PACC1: variants seen among roughly 807,000 people sequenced by gnomAD.
PACC1 encodes the protein proton activated chloride channel 1, also known as proton-activated chloride channel.
A neutral mutation model predicts 39.7 loss-of-function variants in PACC1; 34 were observed. That is an observed-to-expected ratio of 0.86 (90% CI 0.65 to 1.14). The LOEUF (loss-of-function observed/expected upper bound fraction) is 1.14. Ranked by LOEUF, PACC1 falls within the 50% of genes most tolerant of loss-of-function variation. The pLI is 0.00. For synonymous variants in PACC1, 127 were observed against 160.6 expected (o/e 0.79, Z 1.58); for missense variants, 379 against 436.4 (o/e 0.87, Z 1.17).
chr1:212,375,079 G>C, intron 7 of PACC1, 114 bp downstream of exon 7: 1 of 780,958 alleles, frequency 1.3e-6, no homozygotes, highest in Non-Finnish European at 2.1e-6. Flanking sequence ...CAGTCTACAA[G>C]AATGAGCCAA....
At chr1:212,394,692 G>A (rs1162833862) in intron 2 of PACC1, among the ~76,000 whole-genome samples, 4 of 152,108 alleles carry the variant, frequency 2.6e-5, no homozygotes, top group Non-Finnish European at 4.4e-5. Flanking sequence ...AAACCCCATC[G>A]TCTCAGCCCA....
At chr1:212,380,151 A>G in intron 4 of PACC1, 114 bp from the exon 5 acceptor site, 1 of 1,129,474 alleles carries the variant, frequency 8.9e-7, no homozygotes, top group Middle Eastern at 3.0e-4. Flanking sequence ...AGTGGTCTCC[A>G]AAGGGACCAC....
intron 1 of PACC1, chr1:212,413,961 C>T (rs1355840920): frequency 3.3e-6 from 5 of 1,535,668 alleles, no homozygotes; most frequent in East Asian, 4.9e-5. Flanking sequence ...AGGACGGTTG[C>T]CAAAGATGAC....
chr1:212,373,693 C>T (rs11588867), intron 7 of PACC1, among the ~76,000 whole-genome samples: 25,217 of 152,062 alleles, frequency 0.17, 2,532 homozygotes, highest in Middle Eastern at 0.3. Context: ...GGCAAGAGAT[C>T]TGAATAGAGA....
intron 2 of PACC1, among the ~76,000 whole-genome samples, chr1:212,404,012 C>T (rs757443311): frequency 2.0e-5 from 3 of 152,172 alleles, no homozygotes; most frequent in Non-Finnish European, 2.9e-5. Flanking sequence ...CAGCCTTTGC[C>T]GCAGCATGGT....
intron 5 of PACC1, among the ~76,000 whole-genome samples, chr1:212,379,130 A>T (rs1361969183): frequency 6.6e-6 from 1 of 151,916 alleles, no homozygotes; most frequent in Non-Finnish European, 1.5e-5. Flanking sequence ...TTTTTAGTAG[A>T]GATGGGGTTT....
chr1:212,372,605 C>T (rs567317684), intron 7 of PACC1, among the ~76,000 whole-genome samples: 1 of 152,192 alleles, frequency 6.6e-6, no homozygotes, highest in East Asian at 1.9e-4. Flanking sequence ...CCTAAACACT[C>T]CACCAAAAAA....
intron 7 of PACC1, among the ~76,000 whole-genome samples, chr1:212,369,453 C>T (rs545785730): frequency 1.3e-5 from 2 of 152,198 alleles, no homozygotes; most frequent in African/African-American, 4.8e-5. Context: ...TGCCATACAG[C>T]GTATAGTTCA....
At chr1:212,369,387 C>G (rs1399619123) in intron 7 of PACC1, among the ~76,000 whole-genome samples, 3 of 152,120 alleles carry the variant, frequency 2.0e-5, no homozygotes, top group African/African-American at 7.2e-5. Flanking sequence ...GTAAATGGAC[C>G]AAATTCTTAA....
chr1:212,411,490 G>A (rs2102549245), intron 1 of PACC1, among the ~76,000 whole-genome samples: 1 of 152,242 alleles, frequency 6.6e-6, no homozygotes, highest in East Asian at 1.9e-4. Flanking sequence ...CTGTCAAATG[G>A]GGAAAATTAT....
intron 7 of PACC1, among the ~76,000 whole-genome samples, chr1:212,369,957 C>T (rs1660384648): frequency 6.6e-6 from 1 of 152,052 alleles, no homozygotes; most frequent in Admixed American, 6.5e-5. Flanking sequence ...GAAGATACAA[C>T]AACTGTAAAT....
intron 7 of PACC1, among the ~76,000 whole-genome samples, chr1:212,365,629 G>A (rs1321250689): frequency 6.6e-6 from 1 of 152,058 alleles, no homozygotes; most frequent in South Asian, 2.1e-4. Context: ...TTATTATCAA[G>A]AGCCCTTCCC....
chr1:212,409,593 G>C lies in PACC1; in HGVS notation c.133+832C>G, dbSNP rs181488296. Among the ~76,000 whole-genome samples the C allele has an allele frequency of 2.0e-5, 3 of 152,254 alleles. No individual in the cohort carries two copies. The East Asian group carries it at 5.8e-4, about 29-fold the overall frequency. On this transcript the variant is annotated intron_variant, in intron 2 of 7. Transcript: ENST00000261455. ...GTGGTAGTACCATTCCTGCAAACAG[G>C]AAATACTGGGAGAGGACCAAGCTGG...
At chr1:212,384,810 C>A (rs1280063146) in intron 4 of PACC1, among the ~76,000 whole-genome samples, 4 of 152,188 alleles carry the variant, frequency 2.6e-5, no homozygotes, top group Non-Finnish European at 5.9e-5. Context: ...GTCCCCAGAC[C>A]GACGCTCCTT....
chr1:212,402,080 C>T (rs1661737270), intron 2 of PACC1, among the ~76,000 whole-genome samples: 1 of 152,192 alleles, frequency 6.6e-6, no homozygotes, highest in South Asian at 2.1e-4. Flanking sequence ...CACTTTTTGA[C>T]TATTACAAAT....
chr1:212,372,247 T>C (rs1461074336), intron 7 of PACC1, among the ~76,000 whole-genome samples: 1 of 147,994 alleles, frequency 6.8e-6, no homozygotes, highest in African/African-American at 2.5e-5. Context: ...ATCATGCCAC[T>C]GCACTCCAGG....
chr1:212,392,560 CATA>C (rs1661362442), intron 2 of PACC1, among the ~76,000 whole-genome samples: 1 of 152,194 alleles, frequency 6.6e-6, no homozygotes, highest in Non-Finnish European at 1.5e-5. Flanking sequence ...CAGCTAACAT[CATA>C]ATGACAGGAT....
chr1:212,399,325 G>T (rs1051808252), intron 2 of PACC1, among the ~76,000 whole-genome samples: 7 of 147,030 alleles, frequency 4.8e-5, no homozygotes, highest in African/African-American at 1.5e-4. Flanking sequence ...ATCAGAATGA[G>T]AGAGTCTTAA....
intron 2 of PACC1, among the ~76,000 whole-genome samples, chr1:212,406,415 C>T (rs1278831803): frequency 6.6e-6 from 1 of 152,078 alleles, no homozygotes; most frequent in Non-Finnish European, 1.5e-5. Flanking sequence ...ACTCAAGAGG[C>T]TGAGGCATGA....
Sources: gnomAD v4.1 joint callset for allele counts (sites outside exome capture counted in the v4.1 genomes callset) on GRCh38, gnomAD v4.1.1 for gene constraint, MANE v1.5 for transcripts, NCBI Gene and HGNC (gene_info 2026-07-23, HGNC 2026-07-21) for gene names.